Variants in ADGRB3 observed in about 807,000 individuals in gnomAD.
The protein encoded by ADGRB3 is adhesion G protein-coupled receptor B3.
A neutral mutation model predicts 193.4 loss-of-function variants in ADGRB3; 37 were observed. That is an observed-to-expected ratio of 0.19 (90% CI 0.15 to 0.25). ADGRB3 has a LOEUF of 0.25. Among genes scored for constraint, ADGRB3 ranks in the 10% least tolerant of loss-of-function variants. The pLI is 1.00. For synonymous variants in ADGRB3, 690 were observed against 644.2 expected (o/e 1.07, Z -1.08); for missense variants, 1,637 against 1,852.9 (o/e 0.88, Z 2.14).
rs77340954 is a variant in ADGRB3 at position 69,008,293 on chromosome 6, C to T, written c.1930-5745C>T. ...TATGTCTTGTTCACTATCATATTCA[C>T]AGCACTTAGAACAGAACAGCCAAAT... On this transcript the variant is annotated intron_variant, in intron 11 of 31. Transcript: ENST00000370598. 8.5e-3 allele frequency among the ~76,000 whole-genome samples: 1,299 copies of T among 152,246 alleles called. 15 individuals are homozygous for T. The highest frequency in any genetic ancestry group is 0.029 in the African/African-American group (1,211 of 41,534).
At chr6:69,298,315 G>T (rs1285276186) in intron 20 of ADGRB3, among the ~76,000 whole-genome samples, 1 of 151,836 alleles carries the variant, frequency 6.6e-6, no homozygotes, top group Non-Finnish European at 1.5e-5. Flanking sequence ...ACTAGAAATA[G>T]GGGAACTATC....
At chr6:68,823,619 T>C (rs977810723) in intron 3 of ADGRB3, among the ~76,000 whole-genome samples, 7 of 152,078 alleles carry the variant, frequency 4.6e-5, no homozygotes, top group Non-Finnish European at 8.8e-5. Flanking sequence ...CTGTTCTATT[T>C]TGGTTAATAA....
intron 17 of ADGRB3, among the ~76,000 whole-genome samples, chr6:69,092,859 T>G (rs2150318169): frequency 1.3e-5 from 2 of 151,234 alleles, no homozygotes; most frequent in South Asian, 2.1e-4. Context: ...GAACAAGGAG[T>G]TTGTGTAATG....
chr6:68,779,294 C>A (rs1766809936), intron 3 of ADGRB3, among the ~76,000 whole-genome samples: 1 of 149,118 alleles, frequency 6.7e-6, no homozygotes, highest in African/African-American at 2.5e-5. Context: ...ACAATTAAAA[C>A]AAAGTGGCCT....
At chr6:68,894,277 A>G (rs904221513) in intron 3 of ADGRB3, among the ~76,000 whole-genome samples, 19 of 151,948 alleles carry the variant, frequency 1.3e-4, no homozygotes, top group Non-Finnish European at 2.4e-4. Context: ...AAAAAGCAAA[A>G]TGGTGCTTTA....
chr6:69,155,337 C>T (rs1367574747), intron 17 of ADGRB3, among the ~76,000 whole-genome samples: 1 of 152,158 alleles, frequency 6.6e-6, no homozygotes, highest in Admixed American at 6.5e-5. Context: ...TTGGTATAGG[C>T]CACCCAAAAG....
chr6:69,062,906 C>G (rs756819691), intron 15 of ADGRB3, 28 bp from the exon 16 acceptor site: 6 of 1,521,758 alleles, frequency 3.9e-6, no homozygotes, highest in Non-Finnish European at 5.5e-6. Flanking sequence ...ACTCATTTCT[C>G]CTTTTAATTA....
intron 20 of ADGRB3, among the ~76,000 whole-genome samples, chr6:69,299,414 A>G (rs926127375): frequency 2.0e-5 from 3 of 151,836 alleles, no homozygotes; most frequent in Non-Finnish European, 4.4e-5. Context: ...GCTTGATGTT[A>G]TCCCATTTGT....
In ADGRB3 at chr6:69,361,523, G is replaced by A. The variant is rs1238653297; in HGVS notation, c.4239+11G>A. On this transcript the variant is annotated intron_variant, in intron 29 of 31. Coordinates refer to ENST00000370598, the MANE Select transcript of ADGRB3 (RefSeq NM_001704.3). The stretch of plus-strand genomic sequence containing the variant: ...ATGAGTTCTTTAGAGGTGAGCCACA[G>A]AAGATTAAATTTTTCCTTGATAGTT... 1 of 1,600,258 alleles carries A rather than the reference G, an allele frequency of 6.2e-7. No homozygotes were observed. Among genetic ancestry groups the A allele is most frequent in the Non-Finnish European group, 8.5e-7 (1 of 1,172,568 alleles).
intron 17 of ADGRB3, among the ~76,000 whole-genome samples, chr6:69,155,285 C>T (rs1015200264): frequency 2.6e-5 from 4 of 152,178 alleles, no homozygotes; most frequent in Admixed American, 6.5e-5. Flanking sequence ...TACTTCCATT[C>T]TCCATTAACT....
intron 17 of ADGRB3, among the ~76,000 whole-genome samples, chr6:69,077,679 C>A (rs781013852): frequency 7.9e-4 from 120 of 152,084 alleles, no homozygotes; most frequent in Non-Finnish European, 1.2e-3. Context: ...ATCACACCTC[C>A]CTAACATCTG....
intron 3 of ADGRB3, among the ~76,000 whole-genome samples, chr6:68,836,797 G>A (rs990042183): frequency 4.6e-5 from 7 of 152,088 alleles, no homozygotes; most frequent in Admixed American, 6.6e-5. Flanking sequence ...TGAGACCAGC[G>A]TGAGCAACAT....
At chr6:69,153,416 G>A (rs1180225691) in intron 17 of ADGRB3, among the ~76,000 whole-genome samples, 1 of 152,106 alleles carries the variant, frequency 6.6e-6, no homozygotes, top group African/African-American at 2.4e-5. Flanking sequence ...AGAGGTTTGG[G>A]GAAAACCTGA....
At chr6:69,027,744 T>C (rs938467743) in intron 13 of ADGRB3, among the ~76,000 whole-genome samples, 3 of 152,024 alleles carry the variant, frequency 2.0e-5, no homozygotes, top group Non-Finnish European at 2.9e-5. Context: ...ACAGTGGAAA[T>C]AGTGAAAAGG....
chr6:68,965,568 C>A (rs1416476802), intron 8 of ADGRB3, among the ~76,000 whole-genome samples: 2 of 152,104 alleles, frequency 1.3e-5, no homozygotes, highest in Non-Finnish European at 1.5e-5. Flanking sequence ...AGCCCTGTAT[C>A]ATTTCTGCTC....
At chr6:69,233,231 CGG>C in intron 17 of ADGRB3, 57 bp from the exon 18 acceptor site, 1 of 1,583,828 alleles carries the variant, frequency 6.3e-7, no homozygotes, top group Non-Finnish European at 8.6e-7. Flanking sequence ...TTCTTCTTTA[CGG>C]ATTTGGCTAT....
intron 20 of ADGRB3, among the ~76,000 whole-genome samples, chr6:69,275,371 AG>A (rs1236974072): frequency 6.6e-6 from 1 of 152,180 alleles, no homozygotes; most frequent in African/African-American, 2.4e-5. Context: ...AAAACTAAAA[AG>A]AAAAATAGGA....
At chr6:69,062,228 G>A (rs1018809673) in intron 15 of ADGRB3, among the ~76,000 whole-genome samples, 1 of 151,360 alleles carries the variant, frequency 6.6e-6, no homozygotes. Flanking sequence ...AGAAAAAGTT[G>A]GTTCAGTTTT....
chr6:69,086,728 G>A (rs1379296483), intron 17 of ADGRB3, among the ~76,000 whole-genome samples: 1 of 152,052 alleles, frequency 6.6e-6, no homozygotes, highest in African/African-American at 2.4e-5. Flanking sequence ...TTTATTTAAA[G>A]AAATAACATT....
Sources: allele counts gnomAD v4.1 joint callset (sites outside exome capture counted in the v4.1 genomes callset), GRCh38; gene constraint gnomAD v4.1.1; transcripts MANE v1.5; gene names NCBI Gene and HGNC (gene_info 2026-07-23, HGNC 2026-07-21).